The following SMG9 variants were observed in gnomAD, a reference collection of about 807,000 sequenced individuals.
The protein encoded by SMG9 is nonsense-mediated mRNA decay factor SMG9.
Under a neutral mutation model 64.0 loss-of-function variants are expected in SMG9, and 55 were observed. The observed-to-expected ratio is 0.86, with a 90% confidence interval of 0.69 to 1.08. The LOEUF (loss-of-function observed/expected upper bound fraction) is 1.08. SMG9 is among the 50% of genes least tolerant of loss of function. SMG9 has a pLI of 0.00. For synonymous variants in SMG9, 244 were observed against 254.8 expected, an observed-to-expected ratio of 0.96 and a Z score of 0.41; for missense variants, 554 against 681.3, an observed-to-expected ratio of 0.81 and a Z score of 2.08.
chr19:43,739,222 G>A (rs1034330205), intron 7 of SMG9, among the ~76,000 whole-genome samples: 9 of 152,232 alleles, frequency 5.9e-5, no homozygotes, highest in South Asian at 2.1e-4. Context: ...AGGCAAAAAC[G>A]CAAGGCGAGA....
At chr19:43,748,147 A>T (rs1262325159) in intron 2 of SMG9, 95 bp from the exon 3 acceptor site, 1 of 1,408,000 alleles carries the variant, frequency 7.1e-7, no homozygotes, top group Non-Finnish European at 9.6e-7. Flanking sequence ...AAATATATTA[A>T]CTACCTTGAT....
Position 43,740,331 on chromosome 19 carries a change from C to T in SMG9, c.702-113G>A. 6.7e-6 allele frequency: 5 copies of T among 747,346 alleles called. No homozygotes were observed. In the South Asian group the frequency reaches 7.2e-5, roughly 11 times the overall value. 46.3% of individuals were successfully genotyped at this position (747,346 alleles called of 1,614,324 possible). On this transcript the variant is annotated intron_variant, in intron 6 of 13. Coordinates refer to ENST00000270066, the MANE Select transcript of SMG9 (RefSeq NM_019108.4). ...TGAGCCGTGGTGCCCTGCCTGCTCC[C>T]TAAGCTTTTCATCTGTGGCCCATGT...
chr19:43,747,576 T>C (rs1281314909), intron 4 of SMG9, 37 bp from the exon 5 acceptor site: 3 of 1,613,952 alleles, frequency 1.9e-6, no homozygotes, highest in South Asian at 2.2e-5. Context: ...GAGGATGCAG[T>C]GAGGATCTGT....
At chr19:43,740,917 G>C (rs1410697926) in intron 6 of SMG9, among the ~76,000 whole-genome samples, 1 of 152,202 alleles carries the variant, frequency 6.6e-6, no homozygotes, top group African/African-American at 2.4e-5. Flanking sequence ...CTTGGGCAAA[G>C]TGATTTTACC....
intron 10 of SMG9, 102 bp from the exon 11 acceptor site, chr19:43,733,835 C>T (rs1170678418): frequency 5.2e-6 from 4 of 770,286 alleles, no homozygotes; most frequent in African/African-American, 5.1e-5. Flanking sequence ...GAGTTCAGAT[C>T]ACTGTGTAAA....
chr19:43,732,894 G>A lies in SMG9; in HGVS notation c.1448C>T (p.Pro483Leu). Residue 483 changes from proline to leucine, a missense_variant, in exon 13 of 14, where the codon CCA (proline) becomes CTA (leucine). Coordinates refer to ENST00000270066, the MANE Select transcript of SMG9 (RefSeq NM_019108.4). ...LRSQVMSMAR[P>L]QLSHTILTEK... ...GGTGAGGATCGTGTGTGACAGCTGT[G>A]GCCGGGCCATGGACATCACTTGGCT... 6.2e-7 allele frequency: 1 copy of A among 1,613,932 alleles called. No individual in the cohort carries two copies. The highest frequency in any genetic ancestry group is 8.5e-7 in the Non-Finnish European group (1 of 1,179,990).
rs779105894 is a variant in SMG9 at position 43,737,686 on chromosome 19, A to C, written c.910-4T>G. 1 of 1,613,608 alleles carries C rather than the reference A, an allele frequency of 6.2e-7. No homozygotes were observed. The highest frequency in any genetic ancestry group is 2.2e-5 in the East Asian group (1 of 44,876). ...GGAAGGCAGCAATCTGGAGTGACTG[A>C]GGGTGGGCAGGATGGAAGGGAGGTG... is the stretch of plus-strand genomic sequence containing the variant. On this transcript the variant is annotated splice_polypyrimidine_tract_variant and splice_region_variant and intron_variant, in intron 8 of 13. Transcript: ENST00000270066.
chr19:43,733,950 C>A lies in SMG9; in HGVS notation c.1103-217G>T, dbSNP rs1600191022. On this transcript the variant is annotated intron_variant, in intron 10 of 13. Transcript: ENST00000270066. ...ATTTCTGCCCCTAGTCTCTTTGAGGCCCTAGCGAGGGATCATAAAATGAAC... is the reference window on the plus strand; with the variant it reads ...ATTTCTGCCCCTAGTCTCTTTGAGGACCTAGCGAGGGATCATAAAATGAAC... The A allele has an allele frequency of 8.5e-6, 5 of 585,540 alleles. No individual in the cohort carries two copies. In the East Asian group the frequency reaches 1.4e-4, roughly 16 times the overall value. 36.3% of individuals were successfully genotyped at this position (585,540 alleles called of 1,614,324 possible). A position where few individuals can be genotyped will look rare whatever the true frequency, so the allele number is the denominator to read the frequency against.
rs1969059962 is a variant in SMG9 at position 43,747,660 on chromosome 19, C to A, written c.463G>T (p.Gly155Cys). 6.2e-7 allele frequency: 1 copy of A among 1,613,048 alleles called. No individual in the cohort carries two copies. Among genetic ancestry groups the A allele is most frequent in the African/African-American group, 1.3e-5 (1 of 74,912 alleles). The change falls in exon 4 of 14, where the codon GGC becomes TGC. Residue 155 changes from glycine to cysteine, a missense_variant. By Grantham distance (159) the Gly-to-Cys change is radical. Coordinates refer to ENST00000270066, the MANE Select transcript of SMG9 (RefSeq NM_019108.4). ...PVYQIQNRGM[G>C]TAAPAAMDPV... ...TCCATGGCTGCTGGTGCGGCAGTGCCCATGCCCCGGTTCTGGATCTGGTAC... is the reference window on the plus strand; with the variant it reads ...TCCATGGCTGCTGGTGCGGCAGTGCACATGCCCCGGTTCTGGATCTGGTAC...
rs1968453760 is a variant in SMG9 at position 43,730,723 on chromosome 19, C to T, written c.*873G>A. On this transcript the variant is annotated 3_prime_UTR_variant, in exon 14 of 14. Coordinates refer to ENST00000270066, the MANE Select transcript of SMG9 (RefSeq NM_019108.4). ...GGATTACAGGCGTGCGCCACCACGCCCAGCTAATTTTTTTTTGTATTTTTA... is the reference window on the plus strand; with the variant it reads ...GGATTACAGGCGTGCGCCACCACGCTCAGCTAATTTTTTTTTGTATTTTTA... 6.6e-6 allele frequency: 1 copy of T among 152,120 alleles called. No homozygotes were observed. The highest frequency in any genetic ancestry group is 1.5e-5 in the Non-Finnish European group (1 of 68,040). 9.4% of individuals were successfully genotyped at this position (152,120 alleles called of 1,614,324 possible). A position where few individuals can be genotyped will look rare whatever the true frequency, so the allele number is the denominator to read the frequency against.
At chr19:43,749,244 G>A (rs1237210574) in intron 2 of SMG9, among the ~76,000 whole-genome samples, 1 of 152,212 alleles carries the variant, frequency 6.6e-6, no homozygotes, top group East Asian at 1.9e-4. Context: ...TAGCACAGAG[G>A]AAGCAGGGGA....
Position 43,730,563 on chromosome 19 carries a change from G to A in SMG9, c.*1033C>T, listed in dbSNP as rs1158024817. On this transcript the variant is annotated 3_prime_UTR_variant, in exon 14 of 14. Transcript: ENST00000270066. ...GTTCTGTTTCTTAAGTCAAAAGTAG[G>A]CTTTTTTTTTTTTTTTGAGACGGAG... 1 of 151,232 alleles carries A rather than the reference G, an allele frequency of 6.6e-6. No individual in the cohort carries two copies. Among genetic ancestry groups the A allele is most frequent in the Admixed American group, 6.6e-5 (1 of 15,168 alleles). 9.4% of individuals were successfully genotyped at this position (151,232 alleles called of 1,614,324 possible). A position where few individuals can be genotyped will look rare whatever the true frequency, so the allele number is the denominator to read the frequency against.
At chr19:43,751,819 C>A (rs1170172777) in intron 1 of SMG9, among the ~76,000 whole-genome samples, 1 of 152,186 alleles carries the variant, frequency 6.6e-6, no homozygotes, top group African/African-American at 2.4e-5. Flanking sequence ...GGGGGTTCCA[C>A]GTTAACCTTG....
At chr19:43,733,773 G>T in intron 10 of SMG9, 40 bp from the exon 11 acceptor site, 1 of 1,537,042 alleles carries the variant, frequency 6.5e-7, no homozygotes, top group Non-Finnish European at 9.0e-7. Flanking sequence ...GGCAGACATC[G>T]CTTGGCTTCA....
rs1256307011 is a variant in SMG9 at position 43,730,148 on chromosome 19, C to CA, written c.*1447dup. On this transcript the variant is annotated 3_prime_UTR_variant, in exon 14 of 14. Coordinates refer to ENST00000270066, the MANE Select transcript of SMG9 (RefSeq NM_019108.4). The stretch of plus-strand genomic sequence containing the variant: ...TGAAAGCAGGAGGAAACCAGGGAGA[C>CA]AAATATGTGCCACGGGCGGCAGGGG... The CA allele has an allele frequency of 6.6e-6, 1 of 152,182 alleles. No homozygotes were observed. The highest frequency in any genetic ancestry group is 1.5e-5 in the Non-Finnish European group (1 of 68,078). The allele number at this position is 152,182 out of a possible 1,614,324, so 9.4% of individuals were successfully genotyped here. A position where few individuals can be genotyped will look rare whatever the true frequency, so the allele number is the denominator to read the frequency against.
chr19:43,733,783 A>ATGG, intron 10 of SMG9, 50 bp from the exon 11 acceptor site: 1 of 1,413,000 alleles, frequency 7.1e-7, no homozygotes, highest in Non-Finnish European at 1.0e-6. Flanking sequence ...GCTTGGCTTC[A>ATGG]TGGACTCCCC....
chr19:43,736,827 T>C (rs1968684190), intron 9 of SMG9, among the ~76,000 whole-genome samples: 1 of 152,042 alleles, frequency 6.6e-6, no homozygotes, highest in Admixed American at 6.6e-5. Flanking sequence ...GGGGATGCTA[T>C]GTTAGATGGT....
intron 5 of SMG9, 32 bp downstream of exon 5, chr19:43,747,410 G>A (rs750044369): frequency 1.5e-5 from 24 of 1,601,158 alleles, no homozygotes; most frequent in South Asian, 2.2e-5. Flanking sequence ...CAGGATGTGC[G>A]GAAGCTCAGG....
chr19:43,750,484 G>C, intron 2 of SMG9, 108 bp downstream of exon 2: 1 of 1,279,272 alleles, frequency 7.8e-7, no homozygotes, highest in South Asian at 1.4e-5. Flanking sequence ...GAGGGTGGTA[G>C]GTTTTGTTTA....
Sources: gnomAD v4.1 joint callset for allele counts (sites outside exome capture counted in the v4.1 genomes callset) on GRCh38, gnomAD v4.1.1 for gene constraint, MANE v1.5 for transcripts, NCBI Gene and HGNC (gene_info 2026-07-23, HGNC 2026-07-21) for gene names.